The following GPR139 variants were observed in gnomAD, a reference collection of about 807,000 sequenced individuals.
The protein encoded by GPR139 is G protein-coupled receptor 139.
GPR139 carries 12 observed loss-of-function variants against 25.8 expected under a neutral mutation model. That is an observed-to-expected ratio of 0.47 (90% CI 0.30 to 0.75). The LOEUF (loss-of-function observed/expected upper bound fraction) is 0.75. Among genes scored for constraint, GPR139 ranks in the 30% least tolerant of loss-of-function variants. GPR139 has a pLI of 0.07. For synonymous variants in GPR139, 184 were observed against 179.9 expected, an observed-to-expected ratio of 1.02 and a Z score of -0.18; for missense variants, 380 against 450.2, an observed-to-expected ratio of 0.84 and a Z score of 1.41.
At chr16:20,038,329 A>ATCTGTG (rs1295913117) in intron 1 of GPR139, among the ~76,000 whole-genome samples, 12 of 95,826 alleles carry the variant, frequency 1.3e-4, no homozygotes, top group African/African-American at 3.9e-4. Flanking sequence ...TAATATATAT[A>ATCTGTG]TGTGTGTGTG....
In GPR139 at chr16:20,053,287, T is replaced by C. The variant is rs548230749; in HGVS notation, c.127+20203A>G. ...GAACTTGTGCCCACCGGCCTGCTGG[T>C]CTACCCCTGACATGGGCATCATTGT... On this transcript the variant is annotated intron_variant, in intron 1 of 1. Transcript: ENST00000570682. 3.9e-5 allele frequency among the ~76,000 whole-genome samples: 6 copies of C among 152,292 alleles called. No individual in the cohort carries two copies. In the South Asian group the frequency reaches 1.0e-3, roughly 26 times the overall value.
chr16:20,037,895 T>A (rs559884748), intron 1 of GPR139, among the ~76,000 whole-genome samples: 47 of 152,310 alleles, frequency 3.1e-4, no homozygotes, highest in African/African-American at 1.1e-3. Context: ...AGTTTCGCTC[T>A]TGTCGGCCAG....
chr16:20,042,499 T>C (rs142643598), intron 1 of GPR139, among the ~76,000 whole-genome samples: 190 of 152,252 alleles, frequency 1.2e-3, no homozygotes, highest in African/African-American at 4.4e-3. Context: ...ATTCCAAACC[T>C]TACCCTCAAC....
chr16:20,034,704 C>A (rs759651695), intron 1 of GPR139, among the ~76,000 whole-genome samples: 2 of 152,122 alleles, frequency 1.3e-5, no homozygotes, highest in Admixed American at 1.3e-4. Flanking sequence ...TGTGCCCAGC[C>A]TTTTGCTTTC....
intron 1 of GPR139, among the ~76,000 whole-genome samples, chr16:20,049,421 A>G (rs978725836): frequency 1.1e-4 from 17 of 152,296 alleles, no homozygotes; most frequent in African/African-American, 3.4e-4. Context: ...TATAATAGCT[A>G]TTGAATCAAA....
intron 1 of GPR139, among the ~76,000 whole-genome samples, chr16:20,040,426 T>C (rs543111964): frequency 1.5e-4 from 23 of 152,350 alleles, no homozygotes; most frequent in African/African-American, 5.5e-4. Flanking sequence ...AAAACGAGAT[T>C]ATACAATAAT....
chr16:20,029,461 C>T lies in GPR139; in HGVS notation c.*2274G>A, dbSNP rs911943650. Among the ~76,000 whole-genome samples, 4 of 135,664 alleles carry T rather than the reference C, an allele frequency of 2.9e-5. No homozygotes were observed. The highest frequency in any genetic ancestry group is 1.1e-4 in the African/African-American group (4 of 36,090). 89.0% of individuals were successfully genotyped at this position (135,664 alleles called of 152,430 possible). A position where few individuals can be genotyped will look rare whatever the true frequency, so the allele number is the denominator to read the frequency against. ...CTCAAACTAGCATTTTTCAGAGCTA[C>T]ATGTTTAAAAAATAAATAAATAAAT... On this transcript the variant is annotated 3_prime_UTR_variant, in exon 2 of 2. Transcript: ENST00000570682.
chr16:20,065,531 C>T (rs2057429130), intron 1 of GPR139, among the ~76,000 whole-genome samples: 2 of 152,062 alleles, frequency 1.3e-5, no homozygotes. Flanking sequence ...AAGTTCTCAC[C>T]TGAAAAATGG....
chr16:20,072,088 C>G (rs2057461628), intron 1 of GPR139, among the ~76,000 whole-genome samples: 1 of 152,144 alleles, frequency 6.6e-6, no homozygotes, highest in African/African-American at 2.4e-5. Context: ...GGAACCTGGA[C>G]TAAAATCAAT....
intron 1 of GPR139, among the ~76,000 whole-genome samples, chr16:20,045,871 C>T (rs1327801708): frequency 6.6e-6 from 1 of 152,196 alleles, no homozygotes; most frequent in Non-Finnish European, 1.5e-5. Context: ...TGATTTCCGG[C>T]TAGCGACTGC....
At chr16:20,067,880 C>A (rs564207608) in intron 1 of GPR139, among the ~76,000 whole-genome samples, 1 of 147,440 alleles carries the variant, frequency 6.8e-6, no homozygotes, top group East Asian at 2.0e-4. Context: ...AACTATGATT[C>A]AAATACACAA....
At chr16:20,049,273 G>T (rs561347261) in intron 1 of GPR139, among the ~76,000 whole-genome samples, 1 of 152,270 alleles carries the variant, frequency 6.6e-6, no homozygotes, top group South Asian at 2.1e-4. Flanking sequence ...CTCTCTCTGT[G>T]TGACATCCAT....
At chr16:20,058,475 G>C (rs1323010720) in intron 1 of GPR139, among the ~76,000 whole-genome samples, 1 of 152,108 alleles carries the variant, frequency 6.6e-6, no homozygotes. Flanking sequence ...AAAAATCTTT[G>C]TGTTGGTGGA....
At chr16:20,051,231 T>A (rs2057370925) in intron 1 of GPR139, among the ~76,000 whole-genome samples, 1 of 152,166 alleles carries the variant, frequency 6.6e-6, no homozygotes, top group African/African-American at 2.4e-5. Context: ...GGGAGCTTTT[T>A]CATTTATAAA....
At chr16:20,060,377 T>G (rs1470400095) in intron 1 of GPR139, among the ~76,000 whole-genome samples, 5 of 151,854 alleles carry the variant, frequency 3.3e-5, no homozygotes, top group Non-Finnish European at 5.9e-5. Context: ...GATGTGTACT[T>G]CTGTGTGTCT....
At chr16:20,060,157 G>A (rs914090825) in intron 1 of GPR139, among the ~76,000 whole-genome samples, 1 of 152,168 alleles carries the variant, frequency 6.6e-6, no homozygotes, top group Non-Finnish European at 1.5e-5. Flanking sequence ...CCGTGGAGCT[G>A]AACTGTGGTG....
At chr16:20,041,219 A>G (rs1360578193) in intron 1 of GPR139, among the ~76,000 whole-genome samples, 4 of 3,254 alleles carry the variant, frequency 1.2e-3, no homozygotes, top group East Asian at 3.9e-3. Flanking sequence ...AGGAGAGGAG[A>G]GGAGAGGAGA....
At chr16:20,062,790 A>C (rs959215553) in intron 1 of GPR139, among the ~76,000 whole-genome samples, 1 of 152,258 alleles carries the variant, frequency 6.6e-6, no homozygotes, top group Non-Finnish European at 1.5e-5. Flanking sequence ...GATAATTTTA[A>C]CAATATATTT....
At chr16:20,034,818 AT>A (rs1442192475) in intron 1 of GPR139, among the ~76,000 whole-genome samples, 7 of 152,176 alleles carry the variant, frequency 4.6e-5, no homozygotes, top group Admixed American at 3.3e-4. Context: ...ACTCAATTGA[AT>A]GACTACATAG....
Sources: gnomAD v4.1 joint callset for allele counts (sites outside exome capture counted in the v4.1 genomes callset) on GRCh38, gnomAD v4.1.1 for gene constraint, MANE v1.5 for transcripts, NCBI Gene and HGNC (gene_info 2026-07-23, HGNC 2026-07-21) for gene names.